The following PTPRR variants were observed in gnomAD, a reference collection of about 807,000 sequenced individuals.
The protein encoded by PTPRR is protein tyrosine phosphatase receptor type R, also known as receptor-type tyrosine-protein phosphatase R.
A neutral mutation model predicts 77.2 loss-of-function variants in PTPRR; 38 were observed. That is an observed-to-expected ratio of 0.49 (90% confidence interval 0.38 to 0.65). The LOEUF (loss-of-function observed/expected upper bound fraction) is 0.65. Among genes scored for constraint, PTPRR ranks in the 30% least tolerant of loss-of-function variants. PTPRR has a pLI of 0.00. For synonymous variants in PTPRR, 299 were observed against 283.1 expected (o/e 1.06, Z -0.57); for missense variants, 744 against 799.2 (o/e 0.93, Z 0.83).
chr12:70,677,927 T>G (rs1457461090), intron 10 of PTPRR, among the ~76,000 whole-genome samples: 2 of 152,212 alleles, frequency 1.3e-5, no homozygotes, highest in Non-Finnish European at 2.9e-5. Context: ...AGAATGAGTT[T>G]GGATATGTTC....
intron 2 of PTPRR, among the ~76,000 whole-genome samples, chr12:70,821,354 A>G (rs1470798916): frequency 6.6e-6 from 1 of 150,504 alleles, no homozygotes; most frequent in Non-Finnish European, 1.5e-5. Flanking sequence ...CCTCCTGAGT[A>G]GCTGGGATTA....
chr12:70,674,945 C>T (rs998414831), intron 10 of PTPRR, among the ~76,000 whole-genome samples: 3 of 151,968 alleles, frequency 2.0e-5, no homozygotes, highest in African/African-American at 7.2e-5. Flanking sequence ...TATTTAGAAT[C>T]TTACTTGTGA....
intron 1 of PTPRR, among the ~76,000 whole-genome samples, chr12:70,903,150 A>G (rs1298583877): frequency 6.6e-6 from 1 of 151,752 alleles, no homozygotes; most frequent in Non-Finnish European, 1.5e-5. Flanking sequence ...TATAAAGTTT[A>G]AGATAGGCAG....
At chr12:70,790,192 T>C (rs1891398259) in intron 2 of PTPRR, among the ~76,000 whole-genome samples, 2 of 152,170 alleles carry the variant, frequency 1.3e-5, no homozygotes, top group African/African-American at 2.4e-5. Flanking sequence ...TTTTTTAATC[T>C]CCTTTATAAA....
chr12:70,890,613 A>T (rs563381224), intron 2 of PTPRR, among the ~76,000 whole-genome samples: 2 of 152,262 alleles, frequency 1.3e-5, no homozygotes, highest in South Asian at 4.1e-4. Flanking sequence ...TGGAAAAAAA[A>T]TGCCTATAAT....
intron 6 of PTPRR, among the ~76,000 whole-genome samples, chr12:70,745,478 C>T (rs1479897199): frequency 6.6e-6 from 1 of 152,214 alleles, no homozygotes; most frequent in Non-Finnish European, 1.5e-5. Flanking sequence ...TCTCAGTCTT[C>T]TACCTACCAG....
intron 2 of PTPRR, among the ~76,000 whole-genome samples, chr12:70,775,878 CT>C (rs1429795819): frequency 6.6e-6 from 1 of 152,114 alleles, no homozygotes; most frequent in Non-Finnish European, 1.5e-5. Flanking sequence ...AAAAGGTTCT[CT>C]GTTTATGCCT....
chr12:70,732,471 C>A (rs1889694704), intron 6 of PTPRR, among the ~76,000 whole-genome samples: 3 of 152,226 alleles, frequency 2.0e-5, no homozygotes, highest in Non-Finnish European at 1.5e-5. Context: ...CCAAGGGGCT[C>A]CCTCTCGATG....
chr12:70,680,628 G>A (rs981914236), intron 10 of PTPRR, among the ~76,000 whole-genome samples: 2 of 152,080 alleles, frequency 1.3e-5, no homozygotes, highest in African/African-American at 2.4e-5. Flanking sequence ...GTGGGGACCC[G>A]CTGTGAGATG....
intron 2 of PTPRR, among the ~76,000 whole-genome samples, chr12:70,838,856 C>T (rs899064114): frequency 4.6e-5 from 7 of 152,122 alleles, no homozygotes; most frequent in African/African-American, 1.7e-4. Context: ...TGTTCTAGCT[C>T]TGTGGACCCA....
chr12:70,741,429 G>C lies in PTPRR; in HGVS notation c.1007+4389C>G, dbSNP rs889411312. On this transcript the variant is annotated intron_variant, in intron 6 of 13. Transcript: ENST00000283228. ...GAGGAAGGAGGAGGAGGCAGAGGGAGCCTCAAATTGGCTTCCAAGAGGAAG... is the reference window on the plus strand; with the variant it reads ...GAGGAAGGAGGAGGAGGCAGAGGGACCCTCAAATTGGCTTCCAAGAGGAAG... 2.0e-5 allele frequency among the ~76,000 whole-genome samples: 3 copies of C among 152,286 alleles called. No homozygotes were observed. The South Asian group carries it at 6.2e-4, about 32-fold the overall frequency.
At chr12:70,885,455 TA>T (rs1893222222) in intron 2 of PTPRR, among the ~76,000 whole-genome samples, 1 of 151,404 alleles carries the variant, frequency 6.6e-6, no homozygotes, top group Non-Finnish European at 1.5e-5. Flanking sequence ...CATACTTTTG[TA>T]AAAAATACAT....
chr12:70,906,833 G>A (rs957508748), intron 1 of PTPRR: 1 of 151,838 alleles, frequency 6.6e-6, no homozygotes, highest in Non-Finnish European at 1.5e-5. Flanking sequence ...CAGTTTCTAC[G>A]AGATGACAAT....
intron 6 of PTPRR, among the ~76,000 whole-genome samples, chr12:70,723,320 C>T (rs1307797876): frequency 6.6e-6 from 1 of 151,682 alleles, no homozygotes; most frequent in Non-Finnish European, 1.5e-5. Context: ...AGAAAAGTTC[C>T]AAGAGAACTT....
At chr12:70,827,709 CTTTTTTTTTTT>C (rs869285373) in intron 2 of PTPRR, among the ~76,000 whole-genome samples, 1 of 63,870 alleles carries the variant, frequency 1.6e-5, no homozygotes, top group Non-Finnish European at 2.7e-5. Flanking sequence ...CCACACCTGG[CTTTTTTTTTTT>C]TTTTTTTTTT....
intron 2 of PTPRR, among the ~76,000 whole-genome samples, chr12:70,795,761 G>T (rs1008384048): frequency 6.6e-6 from 1 of 151,952 alleles, no homozygotes; most frequent in African/African-American, 2.4e-5. Context: ...AATATGTTTG[G>T]TTACCAAATG....
Position 70,721,702 on chromosome 12 carries a change from C to T in PTPRR, c.1008-20379G>A, listed in dbSNP as rs912524483. On this transcript the variant is annotated intron_variant, in intron 6 of 13. Transcript: ENST00000283228. ...CTGCACAGTATAGGATTCATAACAC[C>T]GCAAACTTTTCTAGCCCGTTTAATC... 3.3e-5 allele frequency among the ~76,000 whole-genome samples: 5 copies of T among 152,194 alleles called. 1 individual carries two copies. The highest frequency in any genetic ancestry group is 4.2e-4 in the South Asian group (2 of 4,814).
chr12:70,721,647 T>C lies in PTPRR; in HGVS notation c.1008-20324A>G, dbSNP rs77682291. ...GAAATATTTATGATCTTGGGCTTTT[T>C]TCTACTAGGCAAAACTGGAATTATG... On this transcript the variant is annotated intron_variant, in intron 6 of 13. Transcript: ENST00000283228. Among the ~76,000 whole-genome samples, 1,103 of 152,324 alleles carry C rather than the reference T, an allele frequency of 7.2e-3. 15 individuals carry two copies. Among genetic ancestry groups the C allele is most frequent in the African/African-American group, 0.023 (960 of 41,578 alleles).
intron 13 of PTPRR, among the ~76,000 whole-genome samples, chr12:70,650,209 G>A (rs1371881715): frequency 2.0e-5 from 3 of 152,090 alleles, no homozygotes; most frequent in Admixed American, 6.6e-5. Context: ...TTGGCAGCCC[G>A]AGGCAGGTGG....
Sources: gnomAD v4.1 joint callset for allele counts (sites outside exome capture counted in the v4.1 genomes callset) on GRCh38, gnomAD v4.1.1 for gene constraint, MANE v1.5 for transcripts, NCBI Gene and HGNC (gene_info 2026-07-23, HGNC 2026-07-21) for gene names.